CAPN15: variants seen among roughly 807,000 people sequenced by gnomAD.
CAPN15 encodes the protein calpain 15, also known as calpain-15.
CAPN15 carries 53 observed loss-of-function variants against 97.9 expected under a neutral mutation model. That is an observed-to-expected ratio of 0.54 (90% confidence interval 0.43 to 0.68). CAPN15 has a LOEUF of 0.68. Ranked by LOEUF, CAPN15 falls within the 30% of genes least tolerant of loss-of-function variation. The pLI, the probability that CAPN15 is intolerant of heterozygous loss-of-function variation, is 0.00. For missense variants in CAPN15, 1,592 were observed against 1,589.8 expected (o/e 1.00, Z -0.02); for synonymous variants, 922 against 722.5 (o/e 1.28, Z -4.43).
Position 552,435 on chromosome 16 carries a change from G to A in CAPN15, c.2642G>A (p.Ser881Asn). 2 of 1,610,168 alleles carry A rather than the reference G, an allele frequency of 1.2e-6. No homozygotes were observed. The highest frequency in any genetic ancestry group is 1.7e-6 in the Non-Finnish European group (2 of 1,179,652). ...AAGCGCGCGGTCAAGAAGTTCGTCA[G>A]CTGCGACGTCATGCTGGAGCCTGGC... Reference protein sequence around the residue: ...HSKRAVKKFVSCDVMLEPGEY... With the variant: ...HSKRAVKKFVNCDVMLEPGEY... The change falls in exon 11 of 14, where the codon AGC (serine) becomes AAC (asparagine). Residue 881 changes from serine to asparagine, a missense_variant. Ser to Asn is a conservative substitution (Grantham distance 46, BLOSUM62 1). Transcript: ENST00000219611. This position sits in a 1 kb window ranked among gnomAD's most constrained non-coding sequence, Gnocchi z 6.4.
Position 548,887 on chromosome 16 carries a change from G to T in CAPN15, c.1450-106G>T, listed in dbSNP as rs2034796297. Reference sequence around the variant, plus strand: ...TGTCCACGCTCCACCCGTCCCTTTGGGGCTCAGGCAGTGCTTTTGGGCGCT... The same window carrying T: ...TGTCCACGCTCCACCCGTCCCTTTGTGGCTCAGGCAGTGCTTTTGGGCGCT... On this transcript the variant is annotated intron_variant, in intron 4 of 13. Coordinates refer to ENST00000219611, the MANE Select transcript of CAPN15 (RefSeq NM_005632.3). 13 of 1,027,954 alleles carry T rather than the reference G, an allele frequency of 1.3e-5. No homozygotes were observed. The Admixed American group carries it at 2.1e-4, about 17-fold the overall frequency. 63.7% of individuals were successfully genotyped at this position (1,027,954 alleles called of 1,614,324 possible).
chr16:529,529 A>G (rs2033096539), intron 1 of CAPN15, among the ~76,000 whole-genome samples: 1 of 152,188 alleles, frequency 6.6e-6, no homozygotes, highest in Non-Finnish European at 1.5e-5. Flanking sequence ...CCACCAGTTC[A>G]CACGAGGCAA....
chr16:551,955 C>T (rs2035117061), intron 9 of CAPN15, 96 bp from the exon 10 acceptor site: 2 of 1,327,254 alleles, frequency 1.5e-6, no homozygotes, highest in African/African-American at 1.5e-5. Flanking sequence ...GCAGCTGGCA[C>T]CTGCTGGGGT....
At position 549,218 on chromosome 16, in the gene CAPN15, G is replaced by A. The variant is rs772850484; in HGVS notation, c.1658+17G>A. 6.4e-7 allele frequency: 1 copy of A among 1,567,900 alleles called. No individual in the cohort carries two copies. The highest frequency in any genetic ancestry group is 1.1e-5 in the South Asian group (1 of 87,596). ...GAACTGCTGGTGAGGCCTTCTCCAA[G>A]GCCGGGGTGGGGCGGGTGGGCGGGC... On this transcript the variant is annotated intron_variant, in intron 5 of 13. Transcript: ENST00000219611.
chr16:541,126 C>T (rs975511924), intron 3 of CAPN15, among the ~76,000 whole-genome samples: 6 of 152,254 alleles, frequency 3.9e-5, no homozygotes, highest in Non-Finnish European at 7.3e-5. Flanking sequence ...CCACGGGGGA[C>T]GATGTCCTGC....
chr16:549,231 C>CGGGGGGGGG, intron 5 of CAPN15, 30 bp downstream of exon 5: 6 of 62,834 alleles, frequency 9.5e-5, no homozygotes, highest in Non-Finnish European at 8.7e-5. Flanking sequence ...CGGGGTGGGG[C>CGGGGGGGGG]GGGTGGGCGG....
intron 3 of CAPN15, among the ~76,000 whole-genome samples, chr16:541,304 G>T (rs1049384606): frequency 2.0e-5 from 3 of 152,230 alleles, no homozygotes; most frequent in South Asian, 2.1e-4. Context: ...GGGGCTGTGT[G>T]GGGGAGCCCT....
chr16:530,065 C>T (rs75587437), intron 1 of CAPN15, among the ~76,000 whole-genome samples: 185 of 152,354 alleles, frequency 1.2e-3, no homozygotes, highest in Middle Eastern at 6.8e-3. Context: ...CGTACCCACT[C>T]GGTGTGGATG....
chr16:536,051 A>G lies in CAPN15; in HGVS notation c.-114A>G. On this transcript the variant is annotated 5_prime_UTR_variant, in exon 3 of 14. Transcript: ENST00000219611. ...CAGACAGGGAGCCAGGATGGGAACC[A>G]CGGACTGACCTGACCTGCGTCCTCG... The G allele has an allele frequency of 3.7e-6, 3 of 812,050 alleles. No homozygotes were observed. Among genetic ancestry groups the G allele is most frequent in the Non-Finnish European group, 4.3e-6 (3 of 692,308 alleles). 50.3% of individuals were successfully genotyped at this position (812,050 alleles called of 1,614,324 possible).
rs1484929183 is a variant in CAPN15, at chr16:547,636, A to T, written c.798A>T (p.Ser266=). 3.8e-6 allele frequency: 6 copies of T among 1,567,538 alleles called. No individual in the cohort carries two copies. In the African/African-American group the frequency reaches 5.4e-5, roughly 14 times the overall value. Residue 266 remains serine (S), a synonymous_variant, in exon 4 of 14, where the codon TCA becomes TCT. Coordinates refer to ENST00000219611, the MANE Select transcript of CAPN15 (RefSeq NM_005632.3). ...QPPVPEAAQP[S]PSAGCRGAPQ... is the part of the protein sequence containing the mutation. The stretch of plus-strand genomic sequence containing the variant: ...CGGTGCCTGAGGCTGCCCAGCCGTC[A>T]CCCTCTGCCGGCTGCAGGGGAGCCC...
At position 547,388 on chromosome 16, in the gene CAPN15, G is replaced by T; in HGVS notation, c.550G>T (p.Val184Phe). The change falls in exon 4 of 14, where the codon GTC (valine) becomes TTC (phenylalanine). Residue 184 changes from valine to phenylalanine, a missense_variant. By Grantham distance (50) the Val-to-Phe change is conservative (BLOSUM62 -1). This residue lies in a region of CAPN15 where 883 missense variants were observed against 776.6 expected (regional missense o/e 1.14). Coordinates refer to ENST00000219611, the MANE Select transcript of CAPN15 (RefSeq NM_005632.3). Reference sequence around the variant, plus strand: ...ACGGATCCCTCCTGAGGCCCTGGTGGTCCCGGAAGTGGTGGCCCCGGCCGG... The same window carrying T: ...ACGGATCCCTCCTGAGGCCCTGGTGTTCCCGGAAGTGGTGGCCCCGGCCGG... ...LPRIPPEALV[V>F]PEVVAPAGFH... 1.3e-6 allele frequency: 2 copies of T among 1,560,114 alleles called. No homozygotes were observed. Among genetic ancestry groups the T allele is most frequent in the Non-Finnish European group, 1.7e-6 (2 of 1,160,152 alleles).
Position 552,573 on chromosome 16 carries a change from G to A in CAPN15, c.2738-32G>A, listed in dbSNP as rs2142082369. The A allele has an allele frequency of 6.4e-7, 1 of 1,560,118 alleles. No individual in the cohort carries two copies. The highest frequency in any genetic ancestry group is 8.6e-7 in the Non-Finnish European group (1 of 1,156,310). ...CAGGCTCATGCCCCAGGCCCACGGG[G>A]AGGGCTGCGGTTCACACGCCCGTCC... On this transcript the variant is annotated intron_variant, in intron 11 of 13. Transcript: ENST00000219611. This position sits in a 1 kb window ranked among gnomAD's most constrained non-coding sequence, Gnocchi z 6.4.
chr16:549,215 C>G lies in CAPN15; in HGVS notation c.1658+14C>G. On this transcript the variant is annotated intron_variant, in intron 5 of 13. Coordinates refer to ENST00000219611, the MANE Select transcript of CAPN15 (RefSeq NM_005632.3). ...GGGGAACTGCTGGTGAGGCCTTCTCCAAGGCCGGGGTGGGGCGGGTGGGCG... is the reference window on the plus strand; with the variant it reads ...GGGGAACTGCTGGTGAGGCCTTCTCGAAGGCCGGGGTGGGGCGGGTGGGCG... 1 of 372,282 alleles carries G rather than the reference C, an allele frequency of 2.7e-6. No individual in the cohort carries two copies. Among genetic ancestry groups the G allele is most frequent in the Non-Finnish European group, 4.9e-6 (1 of 205,498 alleles). 23.1% of individuals were successfully genotyped at this position (372,282 alleles called of 1,614,324 possible).
chr16:533,532 G>A (rs1010647591), intron 1 of CAPN15, among the ~76,000 whole-genome samples: 80 of 152,316 alleles, frequency 5.3e-4, no homozygotes, highest in African/African-American at 1.9e-3. Flanking sequence ...GCAGTGCCTG[G>A]GAAGCTCGGC....
intron 7 of CAPN15, 104 bp from the exon 8 acceptor site, chr16:551,198 G>T: frequency 2.8e-6 from 4 of 1,452,402 alleles, no homozygotes; most frequent in Non-Finnish European, 3.6e-6. Flanking sequence ...CCCGGTCGGT[G>T]AGGGTCCCCA....
intron 3 of CAPN15, chr16:537,304 C>G: frequency 1.0e-6 from 1 of 985,550 alleles, no homozygotes; most frequent in Non-Finnish European, 1.2e-6. Flanking sequence ...GGCTGGTGAG[C>G]AGCTCGCTTC....
intron 3 of CAPN15, 58 bp from the exon 4 acceptor site, chr16:546,759 T>G (rs2034612212): frequency 2.0e-6 from 3 of 1,494,418 alleles, no homozygotes; most frequent in Non-Finnish European, 2.7e-6. Context: ...GAGAGGAGGG[T>G]GGGGTCCAGC....
chr16:532,319 C>A (rs1220972135), intron 1 of CAPN15, among the ~76,000 whole-genome samples: 1 of 151,516 alleles, frequency 6.6e-6, no homozygotes, highest in Non-Finnish European at 1.5e-5. Flanking sequence ...TTTGGAAGGC[C>A]AAGGTGGGTG....
chr16:535,632 C>T lies in CAPN15; in HGVS notation c.-136-397C>T, dbSNP rs566520522. Among the ~76,000 whole-genome samples, 44 of 152,262 alleles carry T rather than the reference C, an allele frequency of 2.9e-4. 1 individual carries two copies. The highest frequency in any genetic ancestry group is 4.1e-4 in the Non-Finnish European group (28 of 67,992). ...GGGTCAGGCATGGATCCACACAGCCCGGGGCCCTCCGCACCCTGCCCCTCC... is the reference window on the plus strand; with the variant it reads ...GGGTCAGGCATGGATCCACACAGCCTGGGGCCCTCCGCACCCTGCCCCTCC... On this transcript the variant is annotated intron_variant, in intron 2 of 13. Coordinates refer to ENST00000219611, the MANE Select transcript of CAPN15 (RefSeq NM_005632.3). The surrounding 1 kb of genome is among the most constrained non-coding windows in gnomAD (Gnocchi z 6.2).
Sources: gnomAD v4.1 joint callset for allele counts (sites outside exome capture counted in the v4.1 genomes callset) on GRCh38, gnomAD v4.1.1 for gene constraint, gnomAD v4.1.1 regional missense constraint, Gnocchi (gnomAD v3.1) non-coding constraint, MANE v1.5 for transcripts, NCBI Gene and HGNC (gene_info 2026-07-23, HGNC 2026-07-21) for gene names.